LGR6: variants seen among roughly 807,000 people sequenced by gnomAD.
LGR6 encodes leucine-rich repeat-containing G protein-coupled receptor 6.
A neutral mutation model predicts 69.4 loss-of-function variants in LGR6; 45 were observed. That is an observed-to-expected ratio of 0.65 (90% confidence interval 0.51 to 0.83). The LOEUF (loss-of-function observed/expected upper bound fraction) is 0.83. Ranked by LOEUF, LGR6 falls within the 40% of genes least tolerant of loss-of-function variation. The probability of loss-of-function intolerance (pLI) is 0.00; values close to 1 mark genes in which losing one functional copy is unlikely to be tolerated. For synonymous variants in LGR6, 538 were observed against 555.0 expected, an observed-to-expected ratio of 0.97 and a Z score of 0.43; for missense variants, 1,108 against 1,246.7, an observed-to-expected ratio of 0.89 and a Z score of 1.68.
At chr1:202,281,921 T>C (rs1489028929) in intron 6 of LGR6, among the ~76,000 whole-genome samples, 1 of 152,052 alleles carries the variant, frequency 6.6e-6, no homozygotes, top group Non-Finnish European at 1.5e-5. Context: ...GAAAACCATT[T>C]GGGAAAACTT....
chr1:202,300,327 C>G (rs1356806100), intron 7 of LGR6, among the ~76,000 whole-genome samples: 1 of 152,130 alleles, frequency 6.6e-6, no homozygotes, highest in Non-Finnish European at 1.5e-5. Flanking sequence ...TCTTTTTACA[C>G]TTGTTAGGGA....
At chr1:202,214,292 C>T in intron 1 of LGR6, 1 of 1,465,242 alleles carries the variant, frequency 6.8e-7, no homozygotes, top group Non-Finnish European at 9.0e-7. Context: ...TCCTCCGCAG[C>T]CCTGGGGAGC....
chr1:202,248,071 G>A (rs569097315), intron 4 of LGR6, among the ~76,000 whole-genome samples: 4 of 152,346 alleles, frequency 2.6e-5, no homozygotes, highest in East Asian at 1.9e-4. Context: ...CCAGCCACTC[G>A]CTGGAGGGTG....
intron 16 of LGR6, among the ~76,000 whole-genome samples, chr1:202,312,116 G>A (rs537589402): frequency 6.6e-6 from 1 of 152,326 alleles, no homozygotes; most frequent in East Asian, 1.9e-4. Flanking sequence ...CGTCAAGATC[G>A]TGGGCTGCCT....
In LGR6 at chr1:202,301,197, A is replaced by G. The variant is rs1571997568; in HGVS notation, c.891A>G (p.Gly297=). 1 of 1,614,184 alleles carries G rather than the reference A, an allele frequency of 6.2e-7. No homozygotes were observed. The highest frequency in any genetic ancestry group is 1.1e-5 in the South Asian group (1 of 91,090). The change falls in exon 9 of 18, where the codon GGA becomes GGG. Residue 297 remains glycine (G), a synonymous_variant. Coordinates refer to ENST00000367278, the MANE Select transcript of LGR6 (RefSeq NM_001017403.2). ...ATGATAACCCAATCCAGTTTGTGGG[A>G]AGATCGGCATTCCAGTACCTGCCTA... ...HFYDNPIQFV[G]RSAFQYLPKL... is the part of the protein sequence containing the mutation.
intron 2 of LGR6, among the ~76,000 whole-genome samples, chr1:202,226,172 C>T (rs1660534311): frequency 6.6e-6 from 1 of 152,174 alleles, no homozygotes; most frequent in African/African-American, 2.4e-5. Context: ...AGTAAATCAT[C>T]TCCTGGATTA....
chr1:202,252,857 G>A (rs1279674875), intron 4 of LGR6, among the ~76,000 whole-genome samples: 5 of 152,230 alleles, frequency 3.3e-5, no homozygotes, highest in Non-Finnish European at 5.9e-5. Context: ...AGACTTGAAA[G>A]TCAGAGGGAA....
At chr1:202,314,665 A>G in intron 16 of LGR6, 137 bp from the exon 17 acceptor site, 2 of 654,104 alleles carry the variant, frequency 3.1e-6, no homozygotes, top group East Asian at 2.7e-5. Context: ...GTAGAAATGG[A>G]TGTGCCGGGT....
chr1:202,195,598 C>T (rs1387825002), intron 1 of LGR6, among the ~76,000 whole-genome samples: 3 of 152,216 alleles, frequency 2.0e-5, no homozygotes, highest in Non-Finnish European at 4.4e-5. Flanking sequence ...GGGCGCTCAG[C>T]ATCTGGCAAA....
At chr1:202,215,715 C>T (rs1571823540) in intron 1 of LGR6, among the ~76,000 whole-genome samples, 1 of 152,198 alleles carries the variant, frequency 6.6e-6, no homozygotes, top group African/African-American at 2.4e-5. Context: ...GTGGGATGCC[C>T]ACCCCTCGGA....
intron 1 of LGR6, among the ~76,000 whole-genome samples, chr1:202,211,323 G>A (rs1398922844): frequency 6.6e-6 from 1 of 152,228 alleles, no homozygotes; most frequent in Non-Finnish European, 1.5e-5. Context: ...CTAGAGGGGA[G>A]CCCTCAGAAA....
Position 202,235,943 on chromosome 1 carries a change from G to A in LGR6, c.378G>A (p.Leu126=), listed in dbSNP as rs1402672359. 1 of 1,614,060 alleles carries A rather than the reference G, an allele frequency of 6.2e-7. No homozygotes were observed. Among genetic ancestry groups the A allele is most frequent in the African/African-American group, 1.3e-5 (1 of 75,060 alleles). Residue 126 remains leucine (L), a synonymous_variant, in exon 4 of 18, where the codon CTG becomes CTA. Coordinates refer to ENST00000367278, the MANE Select transcript of LGR6 (RefSeq NM_001017403.2). ...GTAGGATGCTGCAGAACAATCAGCTGGGAGGAATCCCCGCAGAGGCGCTGT... is the reference window on the plus strand; with the variant it reads ...GTAGGATGCTGCAGAACAATCAGCTAGGAGGAATCCCCGCAGAGGCGCTGT... ...LKILMLQNNQ[L]GGIPAEALWE...
At chr1:202,298,367 T>C (rs1461057749) in intron 7 of LGR6, among the ~76,000 whole-genome samples, 1 of 151,928 alleles carries the variant, frequency 6.6e-6, no homozygotes, top group Non-Finnish European at 1.5e-5. Flanking sequence ...AGGTAGGAAG[T>C]TGAGCTGGCA....
intron 4 of LGR6, among the ~76,000 whole-genome samples, chr1:202,267,142 C>T (rs866070741): frequency 1.3e-4 from 20 of 152,280 alleles, no homozygotes; most frequent in African/African-American, 4.8e-4. Context: ...AGCCACAGGG[C>T]GGATAATGAA....
At chr1:202,270,723 C>T (rs1412816426) in intron 4 of LGR6, among the ~76,000 whole-genome samples, 1 of 152,238 alleles carries the variant, frequency 6.6e-6, no homozygotes, top group Non-Finnish European at 1.5e-5. Flanking sequence ...TTCTTGCTGT[C>T]TAACCTAAAG....
At chr1:202,241,242 A>T (rs556235725) in intron 4 of LGR6, among the ~76,000 whole-genome samples, 8 of 152,312 alleles carry the variant, frequency 5.3e-5, no homozygotes, top group Non-Finnish European at 1.0e-4. Context: ...TCCTGGGGTG[A>T]TGTGTTCCCA....
rs556676182 is a variant in LGR6 at position 202,275,212 on chromosome 1, T to C, written c.429-1094T>C. 9.3e-4 allele frequency among the ~76,000 whole-genome samples: 141 copies of C among 152,284 alleles called. 1 individual carries two copies. Among genetic ancestry groups the C allele is most frequent in the African/African-American group, 3.3e-3 (136 of 41,568 alleles). On this transcript the variant is annotated intron_variant, in intron 4 of 17. Coordinates refer to ENST00000367278, the MANE Select transcript of LGR6 (RefSeq NM_001017403.2). Reference sequence around the variant, plus strand: ...CCATGGCTTAAATGCCATATGGCTATGTGGGAGGACCATGGCTCAGGGCTA... The same window carrying C: ...CCATGGCTTAAATGCCATATGGCTACGTGGGAGGACCATGGCTCAGGGCTA...
At chr1:202,277,699 T>C (rs3010086) in intron 5 of LGR6, among the ~76,000 whole-genome samples, 65,795 of 151,960 alleles carry the variant, frequency 0.43, 16,047 homozygotes, top group East Asian at 0.7. Context: ...CTTGAGGGGC[T>C]TTCAGTCCAA....
At chr1:202,312,270 G>A (rs1472361635) in intron 16 of LGR6, among the ~76,000 whole-genome samples, 1 of 152,242 alleles carries the variant, frequency 6.6e-6, no homozygotes, top group Non-Finnish European at 1.5e-5. Flanking sequence ...CCTTGGCTGT[G>A]ATTTTCCCAG....
Sources: gnomAD v4.1 joint callset for allele counts (sites outside exome capture counted in the v4.1 genomes callset) on GRCh38, gnomAD v4.1.1 for gene constraint, MANE v1.5 for transcripts, NCBI Gene and HGNC (gene_info 2026-07-23, HGNC 2026-07-21) for gene names.